The following COL4A6 variants were observed in gnomAD, a reference collection of about 807,000 sequenced individuals.
COL4A6 encodes the protein collagen alpha-6(IV) chain.
COL4A6 carries 59 observed loss-of-function variants against 126.7 expected under a neutral mutation model. That is an observed-to-expected ratio of 0.47 (90% confidence interval 0.38 to 0.58). The LOEUF (loss-of-function observed/expected upper bound fraction) is 0.58. COL4A6 is among the 20% of genes least tolerant of loss of function. The pLI is 0.00. For missense variants in COL4A6, 1,285 were observed against 1,337.3 expected (o/e 0.96, Z 0.61); for synonymous variants, 547 against 496.6 (o/e 1.10, Z -1.35).
At chrX:108,357,359 G>C (rs995022557) in intron 2 of COL4A6, among the ~76,000 whole-genome samples, 25 of 111,259 alleles carry the variant, frequency 2.2e-4, no homozygotes, top group African/African-American at 8.2e-4. Flanking sequence ...ACCAGAGCTA[G>C]GTGGCTTGTC....
intron 2 of COL4A6, among the ~76,000 whole-genome samples, chrX:108,405,764 T>C (rs1212210689): frequency 9.0e-6 from 1 of 111,283 alleles, no homozygotes; most frequent in Non-Finnish European, 1.9e-5. Context: ...TATAATTAAT[T>C]CCTCTTGCAT....
intron 2 of COL4A6, among the ~76,000 whole-genome samples, chrX:108,416,155 G>A (rs1213350897): frequency 1.8e-5 from 2 of 111,738 alleles, no homozygotes; most frequent in East Asian, 5.6e-4. Flanking sequence ...AGGAGATTTG[G>A]GCTTAGTCAG....
intron 2 of COL4A6, among the ~76,000 whole-genome samples, chrX:108,371,394 C>A (rs2040320807): frequency 9.2e-6 from 1 of 109,174 alleles, no homozygotes; most frequent in Non-Finnish European, 1.9e-5. Context: ...CTTTGATAAC[C>A]AGTTTCTTGC....
intron 37 of COL4A6, 52 bp downstream of exon 37, chrX:108,169,443 A>G: frequency 8.3e-7 from 1 of 1,198,526 alleles, no homozygotes; most frequent in Non-Finnish European, 1.1e-6. Context: ...CCTAAACCTG[A>G]CTCTCCCAGC....
intron 2 of COL4A6, among the ~76,000 whole-genome samples, chrX:108,432,610 T>G (rs910112558): frequency 2.7e-5 from 3 of 110,314 alleles, no homozygotes; most frequent in African/African-American, 9.9e-5. Flanking sequence ...CCGAGGCGGG[T>G]GGATCACCTG....
At chrX:108,348,705 G>A (rs1453681930) in intron 2 of COL4A6, among the ~76,000 whole-genome samples, 2 of 111,420 alleles carry the variant, frequency 1.8e-5, no homozygotes, top group Admixed American at 9.5e-5. Context: ...TATATCCTTT[G>A]GGGGGGAAAA....
In COL4A6 at chrX:108,159,626, T is replaced by C. The variant is rs1489428550; in HGVS notation, c.4648A>G (p.Ile1550Val). Residue 1550 changes from isoleucine to valine, a missense_variant, in exon 44 of 45, where the codon ATC (isoleucine) becomes GTC (valine). Ile to Val is a conservative substitution (Grantham distance 29). Transcript: ENST00000334504. ...KSYWLSTTAP[I>V]PMMPVSQTQI... ...GTCTGGCTGACGGGCATCATGGGGATAGGGGCGGTAGTGGAGAGCCAGTAA... is the reference window on the plus strand; with the variant it reads ...GTCTGGCTGACGGGCATCATGGGGACAGGGGCGGTAGTGGAGAGCCAGTAA... The C allele has an allele frequency of 8.3e-7, 1 of 1,211,720 alleles. No homozygotes were observed. The highest frequency in any genetic ancestry group is 1.1e-6 in the Non-Finnish European group (1 of 895,509).
chrX:108,325,714 C>T (rs1395352698), intron 2 of COL4A6, among the ~76,000 whole-genome samples: 1 of 109,270 alleles, frequency 9.2e-6, no homozygotes, highest in Non-Finnish European at 1.9e-5. Flanking sequence ...AATGATGGTA[C>T]ATTATGACCA....
At chrX:108,186,962 T>C in intron 23 of COL4A6, 134 bp downstream of exon 23, 3 of 506,473 alleles carry the variant, frequency 5.9e-6, no homozygotes, top group Non-Finnish European at 9.1e-6. Flanking sequence ...CACATGCAAA[T>C]CCTTCAGGGG....
At chrX:108,309,099 T>C (rs929111284) in intron 3 of COL4A6, among the ~76,000 whole-genome samples, 3 of 112,093 alleles carry the variant, frequency 2.7e-5, no homozygotes, top group Admixed American at 9.5e-5. Flanking sequence ...TACATATCTC[T>C]GATTATGTAT....
intron 2 of COL4A6, among the ~76,000 whole-genome samples, chrX:108,426,148 C>A (rs2064080250): frequency 8.9e-6 from 1 of 111,935 alleles, no homozygotes; most frequent in Non-Finnish European, 1.9e-5. Flanking sequence ...GTTTAGAAAT[C>A]TAGGCATTTT....
chrX:108,213,268 G>T (rs186733249), intron 6 of COL4A6, among the ~76,000 whole-genome samples: 34 of 112,201 alleles, frequency 3.0e-4, no homozygotes, highest in Admixed American at 2.6e-3. Flanking sequence ...TCAGATCAGT[G>T]CCCTCATGAG....
intron 2 of COL4A6, among the ~76,000 whole-genome samples, chrX:108,394,437 A>G (rs1410881220): frequency 9.0e-6 from 1 of 111,647 alleles, no homozygotes; most frequent in Non-Finnish European, 1.9e-5. Context: ...TAAAAGAAAA[A>G]GAAAAAGAAA....
At chrX:108,169,762 G>A in intron 36 of COL4A6, 142 bp from the exon 37 acceptor site, 3 of 937,480 alleles carry the variant, frequency 3.2e-6, no homozygotes, top group Non-Finnish European at 4.4e-6. Flanking sequence ...AAGTTAATCT[G>A]AGTAGAAGAA....
At chrX:108,274,316 A>G (rs775632712) in intron 3 of COL4A6, among the ~76,000 whole-genome samples, 1 of 111,436 alleles carries the variant, frequency 9.0e-6, no homozygotes, top group South Asian at 3.8e-4. Context: ...AAGGCAGGAT[A>G]AGCATGTTTT....
At position 108,171,427 on chromosome X, in the gene COL4A6, G is replaced by T. The variant is rs759294241; in HGVS notation, c.3237C>A (p.Ser1079Arg). 8.3e-7 allele frequency: 1 copy of T among 1,209,198 alleles called. No individual in the cohort carries two copies. The change falls in exon 33 of 45, where the codon AGC (serine) becomes AGA (arginine). Residue 1079 changes from serine (S) to arginine (R), a missense_variant. Ser to Arg is a moderately radical substitution (Grantham distance 110). Coordinates refer to ENST00000334504, the MANE Select transcript of COL4A6 (RefSeq NM_033641.4). ...DNGQTVEISG[S>R]PGPKGQPGES... ...CGCCAGGCTGTCCCTTGGGTCCTGG[G>T]CTACCGGAAATTTCAACTGTCTGGC...
chrX:108,259,972 C>A (rs962290582), intron 3 of COL4A6, among the ~76,000 whole-genome samples: 2 of 110,113 alleles, frequency 1.8e-5, no homozygotes, highest in African/African-American at 3.3e-5. Flanking sequence ...CCATTCTAAC[C>A]AGTTTATGGA....
intron 2 of COL4A6, among the ~76,000 whole-genome samples, chrX:108,331,486 G>C: frequency 8.9e-6 from 1 of 112,184 alleles, no homozygotes; most frequent in Admixed American, 9.5e-5. Flanking sequence ...AAGTAATTAT[G>C]TGTTTAAATA....
intron 2 of COL4A6, among the ~76,000 whole-genome samples, chrX:108,403,000 A>G (rs1440423192): frequency 9.0e-6 from 1 of 111,529 alleles, no homozygotes; most frequent in South Asian, 3.7e-4. Context: ...CTAATTTTTT[A>G]TCTGCTTGAA....
Sources: gnomAD v4.1 joint callset for allele counts (sites outside exome capture counted in the v4.1 genomes callset) on GRCh38, gnomAD v4.1.1 for gene constraint, MANE v1.5 for transcripts, NCBI Gene and HGNC (gene_info 2026-07-23, HGNC 2026-07-21) for gene names.